Variants in TMEM232 observed in about 807,000 individuals in gnomAD.
TMEM232 encodes transmembrane protein 232.
Under a neutral mutation model 78.8 loss-of-function variants are expected in TMEM232, and 80 were observed. The ratio of observed to expected loss-of-function variants is 1.01; its 90% CI spans 0.85 to 1.22. TMEM232 has a LOEUF of 1.22. Among genes scored for constraint, TMEM232 ranks in the 50% most tolerant of loss-of-function variants. TMEM232 has a pLI of 0.00. For synonymous variants in TMEM232, 297 were observed against 254.3 expected (o/e 1.17, Z -1.60); for missense variants, 881 against 742.2 (o/e 1.19, Z -2.17).
intron 12 of TMEM232, among the ~76,000 whole-genome samples, chr5:110,426,783 C>A (rs1197542735): frequency 1.3e-5 from 2 of 151,940 alleles, no homozygotes; most frequent in African/African-American, 4.8e-5. Flanking sequence ...TAGAGGCTGA[C>A]AATTGGTTTA....
intron 12 of TMEM232, among the ~76,000 whole-genome samples, chr5:110,482,562 C>A (rs1437370285): frequency 6.7e-6 from 1 of 148,722 alleles, no homozygotes; most frequent in Admixed American, 6.6e-5. Flanking sequence ...GCCTGGGCGA[C>A]AAGAGTGAAA....
chr5:110,509,142 T>A (rs1407511043), intron 12 of TMEM232, among the ~76,000 whole-genome samples: 2 of 150,658 alleles, frequency 1.3e-5, no homozygotes, highest in East Asian at 1.9e-4. Flanking sequence ...TTTAAAAAAA[T>A]TTTTTTGGCT....
chr5:110,564,117 T>C (rs1776060257), intron 11 of TMEM232, among the ~76,000 whole-genome samples: 2 of 152,116 alleles, frequency 1.3e-5, no homozygotes, highest in East Asian at 3.9e-4. Context: ...CCTTCCTACC[T>C]ATTAACATTA....
At chr5:110,643,436 G>C (rs997799159) in intron 2 of TMEM232, among the ~76,000 whole-genome samples, 5 of 152,020 alleles carry the variant, frequency 3.3e-5, no homozygotes, top group African/African-American at 1.2e-4. Context: ...AAAATGTAGA[G>C]AGAGTATACG....
In TMEM232 at chr5:110,420,458, A is replaced by G. The variant is rs1756516603; in HGVS notation, c.*122T>C. 1 of 622,744 alleles carries G rather than the reference A, an allele frequency of 1.6e-6. No individual in the cohort carries two copies. Among genetic ancestry groups the G allele is most frequent in the African/African-American group, 1.9e-5 (1 of 51,374 alleles). 38.6% of individuals were successfully genotyped at this position (622,744 alleles called of 1,614,324 possible). ...TGTATCAGGAAAACAAATTCTTTCT[A>G]AACAATACCTCCATTTAATGACAAG... On this transcript the variant is annotated 3_prime_UTR_variant, in exon 14 of 14. Coordinates refer to ENST00000455884, the MANE Select transcript of TMEM232 (RefSeq NM_001039763.4).
At chr5:110,405,435 G>A (rs1755752130) in intron 2 of TMEM232, among the ~76,000 whole-genome samples, 1 of 151,862 alleles carries the variant, frequency 6.6e-6, no homozygotes, top group South Asian at 2.1e-4. Context: ...AAGAAAAAAA[G>A]TCAATATAAA....
intron 5 of TMEM232, among the ~76,000 whole-genome samples, chr5:110,636,791 T>C (rs746060405): frequency 1.3e-4 from 20 of 152,040 alleles, no homozygotes; most frequent in Non-Finnish European, 2.1e-4. Flanking sequence ...TCTAATATAT[T>C]TAAAGCACTT....
intron 12 of TMEM232, among the ~76,000 whole-genome samples, chr5:110,433,346 C>T (rs567913235): frequency 2.3e-4 from 35 of 151,838 alleles, no homozygotes; most frequent in African/African-American, 8.0e-4. Flanking sequence ...CATAGAAATA[C>T]ATTGAAACTA....
chr5:110,726,142 A>G (rs1798131898), intron 1 of TMEM232, among the ~76,000 whole-genome samples: 1 of 147,842 alleles, frequency 6.8e-6, no homozygotes, highest in South Asian at 2.2e-4. Context: ...ACACACACAG[A>G]GCGCCAAATT....
At chr5:110,403,755 A>C (rs1457718795) in intron 2 of TMEM232, among the ~76,000 whole-genome samples, 1 of 151,962 alleles carries the variant, frequency 6.6e-6, no homozygotes, top group African/African-American at 2.4e-5. Context: ...AGTAAGCCAG[A>C]AATATTCAGT....
At position 110,684,328 on chromosome 5, in the gene TMEM232, T is replaced by C. The variant is rs75568022; in HGVS notation, c.-12-16964A>G. ...CTGAAGAATCTGTACAAACAAAAAA[T>C]AGATTATATCCAATTAAGAAGAGAT... On this transcript the variant is annotated intron_variant, in intron 1 of 13. Transcript: ENST00000455884. Among the ~76,000 whole-genome samples, 1,350 of 152,136 alleles carry C rather than the reference T, an allele frequency of 8.9e-3. 10 individuals are homozygous for C. The highest frequency in any genetic ancestry group is 0.014 in the Non-Finnish European group (919 of 67,952).
chr5:110,524,210 T>G (rs1440874203), intron 12 of TMEM232, among the ~76,000 whole-genome samples: 1 of 139,858 alleles, frequency 7.2e-6, no homozygotes, highest in African/African-American at 2.7e-5. Flanking sequence ...TGCAGTAAGC[T>G]GAGATCCACC....
At chr5:110,394,351 T>A (rs770985513) in intron 3 of TMEM232, among the ~76,000 whole-genome samples, 48 of 152,232 alleles carry the variant, frequency 3.2e-4, no homozygotes, top group Non-Finnish European at 6.5e-4. Flanking sequence ...TGAAATCATC[T>A]GTTGTTGACC....
intron 2 of TMEM232, among the ~76,000 whole-genome samples, chr5:110,662,959 G>A (rs1790003429): frequency 6.6e-6 from 1 of 151,986 alleles, no homozygotes; most frequent in Non-Finnish European, 1.5e-5. Flanking sequence ...AATCATAAAA[G>A]ATTGATATAT....
intron 12 of TMEM232, among the ~76,000 whole-genome samples, chr5:110,503,222 G>A (rs1235363737): frequency 2.6e-5 from 4 of 152,132 alleles, no homozygotes; most frequent in Admixed American, 1.3e-4. Context: ...TGAAAACAGT[G>A]GAAGTAGTGA....
intron 12 of TMEM232, among the ~76,000 whole-genome samples, chr5:110,501,372 CTAAT>C (rs1366849000): frequency 6.6e-5 from 10 of 151,816 alleles, no homozygotes; most frequent in Admixed American, 3.3e-4. Flanking sequence ...AATGTAAATA[CTAAT>C]TAGTCTTATT....
intron 1 of TMEM232, among the ~76,000 whole-genome samples, chr5:110,717,607 T>C (rs1012412665): frequency 1.4e-4 from 21 of 152,120 alleles, no homozygotes; most frequent in Admixed American, 1.4e-3. Context: ...TTTGGCTCTG[T>C]CCCCACCCAA....
At chr5:110,614,052 T>A (rs146235849) in intron 8 of TMEM232, among the ~76,000 whole-genome samples, 2 of 152,208 alleles carry the variant, frequency 1.3e-5, no homozygotes, top group South Asian at 4.1e-4. Context: ...ATAAAAAAAG[T>A]AACTATATAA....
intron 2 of TMEM232, among the ~76,000 whole-genome samples, chr5:110,646,932 A>G (rs1787570853): frequency 6.6e-6 from 1 of 151,808 alleles, no homozygotes; most frequent in South Asian, 2.1e-4. Context: ...GCATGTGAAA[A>G]GGTTTTGTTT....
Sources: gnomAD v4.1 joint callset for allele counts (sites outside exome capture counted in the v4.1 genomes callset) on GRCh38, gnomAD v4.1.1 for gene constraint, MANE v1.5 for transcripts, NCBI Gene and HGNC (gene_info 2026-07-23, HGNC 2026-07-21) for gene names.